PLXNB2: variants seen among roughly 807,000 people sequenced by gnomAD.
PLXNB2 encodes the protein plexin B2, also known as plexin-B2.
PLXNB2 carries 85 observed loss-of-function variants against 202.6 expected under a neutral mutation model. The observed-to-expected ratio is 0.42, with a 90% confidence interval of 0.35 to 0.50. The LOEUF is 0.50. PLXNB2 is among the 20% of genes least tolerant of loss of function. The pLI is 0.02. For synonymous variants in PLXNB2, 1,239 were observed against 1,137.6 expected, an observed-to-expected ratio of 1.09 and a Z score of -1.79; for missense variants, 2,063 against 2,586.2, an observed-to-expected ratio of 0.80 and a Z score of 4.39.
chr22:50,281,967 G>A lies in PLXNB2; in HGVS notation c.3232C>T (p.His1078Tyr). ...NLTVLIEMDG[H>Y]RALLRTEAGA... The stretch of plus-strand genomic sequence containing the variant: ...GCCTCTGTTCTGAGCAGGGCACGGT[G>A]CCCGTCCATCTCGATCAGCACCGTG... Residue 1078 changes from histidine to tyrosine, a missense_variant, in exon 20 of 37, where the codon CAC becomes TAC. Coordinates refer to ENST00000359337, the MANE Select transcript of PLXNB2 (RefSeq NM_012401.4). 1.2e-6 allele frequency: 2 copies of A among 1,613,006 alleles called. No individual in the cohort carries two copies. The highest frequency in any genetic ancestry group is 1.7e-6 in the Non-Finnish European group (2 of 1,179,906).
chr22:50,282,806 G>C lies in PLXNB2; in HGVS notation c.2892C>G (p.Ser964=). ...ATRGQMLLEV[S]YGGSPVPNPG... Reference sequence around the variant, plus strand: ...GGTTGGGCACGGGGGACCCCCCGTAGGAGACCTCCAGAAGCATCTGGCCCC... The same window carrying C: ...GGTTGGGCACGGGGGACCCCCCGTACGAGACCTCCAGAAGCATCTGGCCCC... Residue 964 remains serine (S), a synonymous_variant, in exon 18 of 37, where the codon TCC becomes TCG. Coordinates refer to ENST00000359337, the MANE Select transcript of PLXNB2 (RefSeq NM_012401.4). The C allele has an allele frequency of 6.2e-7, 1 of 1,612,428 alleles. No homozygotes were observed. Among genetic ancestry groups the C allele is most frequent in the Non-Finnish European group, 8.5e-7 (1 of 1,179,470 alleles).
Position 50,289,901 on chromosome 22 carries a change from G to A in PLXNB2, c.684C>T (p.Val228=). Residue 228 remains valine, a synonymous_variant, in exon 3 of 37, where the codon GTC becomes GTT. Transcript: ENST00000359337. The surrounding 1 kb of genome is among the most constrained non-coding windows in gnomAD (Gnocchi z 8.0). Reference sequence around the variant, plus strand: ...TGTCCTGCTGGTTGAAGACAAAGAAGACGTAGGGGCCGTCCTCGAAGGCCG... The same window carrying A: ...TGTCCTGCTGGTTGAAGACAAAGAAAACGTAGGGGCCGTCCTCGAAGGCCG... ...FVAAFEDGPY[V]FFVFNQQDKH... The A allele has an allele frequency of 1.9e-6, 3 of 1,613,214 alleles. No individual in the cohort carries two copies. The highest frequency in any genetic ancestry group is 2.2e-5 in the East Asian group (1 of 44,880).
intron 2 of PLXNB2, among the ~76,000 whole-genome samples, chr22:50,290,841 A>G (rs1304000464): frequency 6.6e-6 from 1 of 152,180 alleles, no homozygotes; most frequent in Admixed American, 6.5e-5. Flanking sequence ...AGGCACTGCC[A>G]TCGCCTGCTA....
At chr22:50,305,381 C>T (rs947745533) in intron 1 of PLXNB2, among the ~76,000 whole-genome samples, 1 of 152,206 alleles carries the variant, frequency 6.6e-6, no homozygotes, top group Admixed American at 6.5e-5. Context: ...CCATGCAGGC[C>T]GCCGGGCACA....
In PLXNB2 at chr22:50,286,113, G is replaced by A. The variant is rs369874065; in HGVS notation, c.1878-15C>T. ...AGGAGATGCACCTGCATCCAGAGGG[G>A]ATCGTGAGCAGGGCTGGGGTGGACG... On this transcript the variant is annotated splice_polypyrimidine_tract_variant and intron_variant, in intron 9 of 36. Coordinates refer to ENST00000359337, the MANE Select transcript of PLXNB2 (RefSeq NM_012401.4). 1 of 1,611,610 alleles carries A rather than the reference G, an allele frequency of 6.2e-7. No individual in the cohort carries two copies. Among genetic ancestry groups the A allele is most frequent in the Non-Finnish European group, 8.5e-7 (1 of 1,178,956 alleles).
At position 50,298,273 on chromosome 22, in the gene PLXNB2, G is replaced by C. The variant is rs981073381; in HGVS notation, c.-73-3495C>G. Among the ~76,000 whole-genome samples, 7 of 152,228 alleles carry C rather than the reference G, an allele frequency of 4.6e-5. No individual in the cohort carries two copies. The East Asian group carries it at 1.2e-3, about 25-fold the overall frequency. ...CGATGTAGGCCAAGGGCAGCACAGG[G>C]ATGCTGGGCCTCCCCTCTACAACCT... On this transcript the variant is annotated intron_variant, in intron 1 of 36. Transcript: ENST00000359337.
rs1321070645 is a variant in PLXNB2 at position 50,279,767 on chromosome 22, C to T, written c.4252G>A (p.Gly1418Arg). 1.2e-6 allele frequency: 2 copies of T among 1,613,846 alleles called. No individual in the cohort carries two copies. Among genetic ancestry groups the T allele is most frequent in the Middle Eastern group, 1.7e-4 (1 of 6,060 alleles). ...CLYQYLKDSA[G>R]EPLYKLFKAI... ...TTGAAGAGCTTGTACAGGGGCTCCC[C>T]GGCACTGTCCTGGAGTAACACGGAG... Residue 1418 changes from glycine (G) to arginine (R), a missense_variant, in exon 27 of 37, where the codon GGG (glycine) becomes AGG (arginine). By Grantham distance (125) the Gly-to-Arg change is moderately radical. Around this residue, in one of 2 missense-constraint regions of PLXNB2, gnomAD observed 760 missense variants for 1,109.4 expected, o/e 0.69. Transcript: ENST00000359337.
chr22:50,278,996 C>T lies in PLXNB2; in HGVS notation c.4405G>A (p.Val1469Met), dbSNP rs771037434. 5.5e-5 allele frequency: 88 copies of T among 1,609,918 alleles called. No homozygotes were observed. The highest frequency in any genetic ancestry group is 7.0e-5 in the Non-Finnish European group (83 of 1,177,660). ...EYAPLTVSVI[V>M]QDEGVDAIPV... ...ATGGCGTCCACTCCCTCGTCCTGCA[C>T]GATCACGCTCACCGTCTGCCGAGAC... Residue 1469 changes from valine to methionine, a missense_variant, in exon 28 of 37, where the codon GTG (valine) becomes ATG (methionine). Transcript: ENST00000359337.
At position 50,290,335 on chromosome 22, in the gene PLXNB2, C is replaced by T; in HGVS notation, c.250G>A (p.Ala84Thr). The change falls in exon 3 of 37, where the codon GCC (alanine) becomes ACC (threonine). Residue 84 changes from alanine to threonine, a missense_variant. This residue lies in a region of PLXNB2 where 1,303 missense variants were observed against 1,476.8 expected (regional missense o/e 0.88). Transcript: ENST00000359337. ...DNKKCTPPIE[A>T]SQCHEAEMTD... ...ATCTCAGCCTCATGGCACTGGCTGG[C>T]CTCGATGGGCGGCGTGCACTTCTTG... 1 of 1,612,186 alleles carries T rather than the reference C, an allele frequency of 6.2e-7. No homozygotes were observed. The highest frequency in any genetic ancestry group is 8.5e-7 in the Non-Finnish European group (1 of 1,179,964).
chr22:50,277,782 G>A (rs374036673), intron 32 of PLXNB2, 44 bp from the exon 33 acceptor site: 2 of 1,598,256 alleles, frequency 1.3e-6, no homozygotes, highest in African/African-American at 1.3e-5. Flanking sequence ...CTGGGCCGCG[G>A]GGTGGGTGTG....
chr22:50,279,963 G>C (rs1361155405), intron 26 of PLXNB2, 42 bp downstream of exon 26: 1 of 1,506,868 alleles, frequency 6.6e-7, no homozygotes, highest in South Asian at 1.2e-5. Flanking sequence ...GCAGCAGTCT[G>C]CCTCATCCCT....
At chr22:50,292,338 A>AG (rs57140111) in intron 2 of PLXNB2, among the ~76,000 whole-genome samples, 1 of 44,444 alleles carries the variant, frequency 2.3e-5, no homozygotes, top group African/African-American at 8.7e-5. Context: ...ACTCTGTCTC[A>AG]AAAAAAAAAA....
chr22:50,275,971 G>A lies in PLXNB2; in HGVS notation c.5338-8C>T. On this transcript the variant is annotated splice_region_variant and splice_polypyrimidine_tract_variant and intron_variant, in intron 35 of 36. Coordinates refer to ENST00000359337, the MANE Select transcript of PLXNB2 (RefSeq NM_012401.4). ...CAAGGAGTCCGTGTGCGCCTGGGGG[G>A]TGACGGGACAGTCAGGGTGGAAAAG... 5.6e-6 allele frequency: 9 copies of A among 1,612,234 alleles called. No individual in the cohort carries two copies. The highest frequency in any genetic ancestry group is 1.7e-5 in the Admixed American group (1 of 60,016).
intron 6 of PLXNB2, 65 bp downstream of exon 6, chr22:50,287,872 C>T: frequency 6.3e-7 from 1 of 1,591,000 alleles, no homozygotes. Flanking sequence ...TGCCCCCCGA[C>T]CCAGGCCACG....
chr22:50,287,529 C>G (rs2066546881), intron 7 of PLXNB2, 138 bp downstream of exon 7: 2 of 987,362 alleles, frequency 2.0e-6, no homozygotes, highest in Non-Finnish European at 2.9e-6. Context: ...GGGCTCCATC[C>G]CTAAGGCTCG....
At chr22:50,295,975 G>T (rs766468448) in intron 1 of PLXNB2, among the ~76,000 whole-genome samples, 1 of 152,076 alleles carries the variant, frequency 6.6e-6, no homozygotes, top group Admixed American at 6.6e-5. Context: ...AGTGGTGCGC[G>T]CCTGTAATCC....
At position 50,284,791 on chromosome 22, in the gene PLXNB2, G is replaced by C; in HGVS notation, c.2089-126C>G. On this transcript the variant is annotated intron_variant, in intron 11 of 36. Coordinates refer to ENST00000359337, the MANE Select transcript of PLXNB2 (RefSeq NM_012401.4). The surrounding 1 kb of genome is among the most constrained non-coding windows in gnomAD (Gnocchi z 8.0). ...CCCTCTCCTCACCCCACACATGCCC[G>C]CCCCTCAGATTACCATGCCAGCTGA... 1 of 792,728 alleles carries C rather than the reference G, an allele frequency of 1.3e-6. No individual in the cohort carries two copies. The highest frequency in any genetic ancestry group is 2.3e-6 in the Non-Finnish European group (1 of 436,002). 49.1% of individuals were successfully genotyped at this position (792,728 alleles called of 1,614,324 possible). A position where few individuals can be genotyped will look rare whatever the true frequency, so the allele number is the denominator to read the frequency against.
rs370042051 is a variant in PLXNB2, at chr22:50,288,024, G to A, written c.1394C>T (p.Pro465Leu). 9.4e-5 allele frequency: 147 copies of A among 1,560,050 alleles called. No individual in the cohort carries two copies. The highest frequency in any genetic ancestry group is 7.3e-4 in the African/African-American group (54 of 73,480). The change falls in exon 6 of 37, where the codon CCG (proline) becomes CTG (leucine). Residue 465 changes from proline to leucine, a missense_variant. Around this residue, in one of 2 missense-constraint regions of PLXNB2, gnomAD observed 1,303 missense variants for 1,476.8 expected, o/e 0.88. Transcript: ENST00000359337. This position sits in a 1 kb window ranked among gnomAD's most constrained non-coding sequence, Gnocchi z 5.0. ...CGGGTAGCTCAGGCACTCCTGCACC[G>A]GCAGCCGGAACACCTAGGGCAGCGG... is the stretch of plus-strand genomic sequence containing the variant. ...AMTQDKVFRL[P>L]VQECLSYPTC...
At position 50,283,817 on chromosome 22, in the gene PLXNB2, G is replaced by A; in HGVS notation, c.2421+16C>T. The stretch of plus-strand genomic sequence containing the variant: ...AGGGACGAGGGAAGGTGTAGGCCAG[G>A]CTTCGAGGGGCTCACCCTGGTGATG... On this transcript the variant is annotated intron_variant, in intron 14 of 36. Coordinates refer to ENST00000359337, the MANE Select transcript of PLXNB2 (RefSeq NM_012401.4). The A allele has an allele frequency of 6.2e-7, 1 of 1,610,884 alleles. No individual in the cohort carries two copies. Among genetic ancestry groups the A allele is most frequent in the Non-Finnish European group, 8.5e-7 (1 of 1,178,146 alleles).
Sources: gnomAD v4.1 joint callset for allele counts (sites outside exome capture counted in the v4.1 genomes callset) on GRCh38, gnomAD v4.1.1 for gene constraint, gnomAD v4.1.1 regional missense constraint, Gnocchi (gnomAD v3.1) non-coding constraint, MANE v1.5 for transcripts, NCBI Gene and HGNC (gene_info 2026-07-23, HGNC 2026-07-21) for gene names.